The following PHKB variants were observed in gnomAD, a reference collection of about 807,000 sequenced individuals.
PHKB encodes the protein phosphorylase b kinase regulatory subunit beta.
A neutral mutation model predicts 152.1 loss-of-function variants in PHKB; 122 were observed. The observed-to-expected ratio is 0.80, with a 90% CI of 0.69 to 0.93. PHKB has a LOEUF of 0.93. Ranked by LOEUF, PHKB falls within the 40% of genes least tolerant of loss-of-function variation. The pLI is 0.00. For missense variants in PHKB, 1,304 were observed against 1,328.4 expected (o/e 0.98, Z 0.29); for synonymous variants, 436 against 464.9 (o/e 0.94, Z 0.80).
At chr16:47,461,561 G>A (rs1969557400) in intron 1 of PHKB, 135 bp downstream of exon 1, 1 of 883,592 alleles carries the variant, frequency 1.1e-6, no homozygotes, top group Non-Finnish European at 1.8e-6. Flanking sequence ...AGCAGGTGGC[G>A]GCCCTGGCCT....
At position 47,545,519 on chromosome 16, in the gene PHKB, G is replaced by A. The variant is rs190246769; in HGVS notation, c.595-1914G>A. On this transcript the variant is annotated intron_variant, in intron 6 of 30. Coordinates refer to ENST00000323584, the MANE Select transcript of PHKB (RefSeq NM_000293.3). ...AACCCGACCTTTCTCTCTGGCTGCT[G>A]TTAATATTTTTTCCTTCATTTCAAC... Among the ~76,000 whole-genome samples the A allele has an allele frequency of 5.9e-5, 9 of 152,258 alleles. No homozygotes were observed. In the East Asian group the frequency reaches 1.5e-3, roughly 26 times the overall value.
At chr16:47,474,264 C>A (rs147223201) in intron 1 of PHKB, among the ~76,000 whole-genome samples, 1 of 152,176 alleles carries the variant, frequency 6.6e-6, no homozygotes, top group Non-Finnish European at 1.5e-5. Context: ...ACATGGCCCT[C>A]CTTTTTGGCA....
At chr16:47,493,601 C>G (rs552315133) in intron 1 of PHKB, among the ~76,000 whole-genome samples, 1 of 152,262 alleles carries the variant, frequency 6.6e-6, no homozygotes, top group Middle Eastern at 3.4e-3. Context: ...GTGGGTCACC[C>G]TTTAAGGACA....
Position 47,637,953 on chromosome 16 carries a change from G to T in PHKB, c.1459-3082G>T, listed in dbSNP as rs145841218. 6.8e-3 allele frequency among the ~76,000 whole-genome samples: 1,035 copies of T among 152,164 alleles called. 14 individuals are homozygous for T. Among genetic ancestry groups the T allele is most frequent in the African/African-American group, 0.024 (991 of 41,510 alleles). ...CTTCTCCCTGTGTCCTCACATGATG[G>T]AAAGGGTGCAGGGCCTCTTTTATAA... On this transcript the variant is annotated intron_variant, in intron 14 of 30. Transcript: ENST00000323584.
intron 3 of PHKB, among the ~76,000 whole-genome samples, chr16:47,501,198 G>T (rs1186702876): frequency 6.6e-6 from 1 of 152,192 alleles, no homozygotes; most frequent in East Asian, 1.9e-4. Context: ...AATACACCTT[G>T]TGCTAACATC....
In PHKB at chr16:47,596,474, C is replaced by A. The variant is rs750928495; in HGVS notation, c.1306C>A (p.Arg436Ser). 1 of 1,613,718 alleles carries A rather than the reference C, an allele frequency of 6.2e-7. No individual in the cohort carries two copies. The highest frequency in any genetic ancestry group is 8.5e-7 in the Non-Finnish European group (1 of 1,179,808). Reference sequence around the variant, plus strand: ...AAAACGATTTCCTAGCAACTGTGGCCGTGATGGAAAACTGTTTCTTTGGGG... The same window carrying A: ...AAAACGATTTCCTAGCAACTGTGGCAGTGATGGAAAACTGTTTCTTTGGGG... ...SQKRFPSNCG[R>S]DGKLFLWGQA... The change falls in exon 13 of 31, where the codon CGT becomes AGT. Residue 436 changes from arginine (R) to serine (S), a missense_variant. Arg to Ser is a moderately radical substitution (Grantham distance 110, BLOSUM62 -1). Transcript: ENST00000323584.
At chr16:47,467,401 A>G (rs1000088822) in intron 1 of PHKB, among the ~76,000 whole-genome samples, 1 of 152,194 alleles carries the variant, frequency 6.6e-6, no homozygotes, top group Non-Finnish European at 1.5e-5. Context: ...TTTGTCAGTA[A>G]TCACTGTAAC....
At chr16:47,646,928 G>C (rs1973139418) in intron 16 of PHKB, among the ~76,000 whole-genome samples, 1 of 151,938 alleles carries the variant, frequency 6.6e-6, no homozygotes, top group Non-Finnish European at 1.5e-5. Flanking sequence ...AGTTTAAAAA[G>C]GTAAAGGGGC....
At chr16:47,661,657 C>T (rs368551106) in intron 22 of PHKB, 62 bp from the exon 23 acceptor site, 28 of 1,019,446 alleles carry the variant, frequency 2.7e-5, no homozygotes, top group East Asian at 2.6e-4. Flanking sequence ...TGATTAGTTA[C>T]CCTCTGTGGT....
At chr16:47,677,949 G>A (rs934780835) in intron 26 of PHKB, among the ~76,000 whole-genome samples, 8 of 135,568 alleles carry the variant, frequency 5.9e-5, no homozygotes, top group African/African-American at 2.3e-4. Flanking sequence ...TCCCCGGAGT[G>A]TGATATTCCC....
intron 3 of PHKB, among the ~76,000 whole-genome samples, chr16:47,500,422 T>C: frequency 6.6e-6 from 1 of 152,212 alleles, no homozygotes; most frequent in East Asian, 1.9e-4. Flanking sequence ...TCTAGGTTTG[T>C]AAATCACCAT....
intron 5 of PHKB, 63 bp from the exon 6 acceptor site, chr16:47,515,458 G>T: frequency 1.2e-6 from 1 of 800,202 alleles, no homozygotes; most frequent in South Asian, 1.3e-5. Flanking sequence ...AGCCTTAATT[G>T]ATTAATTTTA....
At chr16:47,509,597 G>A (rs1970475222) in intron 4 of PHKB, among the ~76,000 whole-genome samples, 1 of 152,124 alleles carries the variant, frequency 6.6e-6, no homozygotes, top group Admixed American at 6.5e-5. Context: ...TGTGGCCATT[G>A]TGACTGAAGA....
At chr16:47,533,584 G>A (rs1338469446) in intron 6 of PHKB, among the ~76,000 whole-genome samples, 4 of 152,194 alleles carry the variant, frequency 2.6e-5, no homozygotes, top group East Asian at 1.9e-4. Context: ...TGTTTGCACC[G>A]CCCTGAGCAT....
At position 47,536,592 on chromosome 16, in the gene PHKB, AC is replaced by A. The variant is rs1970956497; in HGVS notation, c.595-10837del. Among the ~76,000 whole-genome samples, 4 of 152,278 alleles carry A rather than the reference AC, an allele frequency of 2.6e-5. No individual in the cohort carries two copies. The East Asian group carries it at 5.8e-4, about 22-fold the overall frequency. On this transcript the variant is annotated intron_variant, in intron 6 of 30. Coordinates refer to ENST00000323584, the MANE Select transcript of PHKB (RefSeq NM_000293.3). ...TTTTGATACCTTTTATTATATAGTA[AC>A]CCCAGCATGGCTTAGGGCAGAATCT...
chr16:47,542,248 A>C (rs531757193), intron 6 of PHKB, among the ~76,000 whole-genome samples: 2 of 152,098 alleles, frequency 1.3e-5, no homozygotes, highest in Non-Finnish European at 2.9e-5. Flanking sequence ...TAGTACCATT[A>C]AATAGGGAAT....
At chr16:47,601,611 A>G (rs547515953) in intron 13 of PHKB, among the ~76,000 whole-genome samples, 59 of 152,168 alleles carry the variant, frequency 3.9e-4, no homozygotes, top group African/African-American at 1.3e-3. Flanking sequence ...AGGCTGAGGC[A>G]GGAGAATCGC....
intron 14 of PHKB, among the ~76,000 whole-genome samples, chr16:47,623,368 A>G (rs1972650368): frequency 1.3e-5 from 2 of 152,010 alleles, no homozygotes; most frequent in South Asian, 4.1e-4. Context: ...GTCTGTATTC[A>G]ACTTAGAAAG....
At chr16:47,597,769 A>G (rs1481414140) in intron 13 of PHKB, 2 of 148,686 alleles carry the variant, frequency 1.3e-5, no homozygotes, top group Non-Finnish European at 3.0e-5. Context: ...TATGCCAGAT[A>G]TAAATTTCAG....
Sources: gnomAD v4.1 joint callset for allele counts (sites outside exome capture counted in the v4.1 genomes callset) on GRCh38, gnomAD v4.1.1 for gene constraint, MANE v1.5 for transcripts, NCBI Gene and HGNC (gene_info 2026-07-23, HGNC 2026-07-21) for gene names.